The following LEPR variants were observed in gnomAD, a reference collection of about 807,000 sequenced individuals.
The protein encoded by LEPR is leptin receptor, also known as OB receptor.
Under a neutral mutation model 114.7 loss-of-function variants are expected in LEPR, and 56 were observed. The ratio of observed to expected loss-of-function variants is 0.49; its 90% CI spans 0.39 to 0.61. The LOEUF is 0.61. LEPR is among the 20% of genes least tolerant of loss of function. LEPR has a pLI of 0.00. For synonymous variants in LEPR, 443 were observed against 461.4 expected, an observed-to-expected ratio of 0.96 and a Z score of 0.51; for missense variants, 1,202 against 1,352.9, an observed-to-expected ratio of 0.89 and a Z score of 1.75.
intron 5 of LEPR, among the ~76,000 whole-genome samples, chr1:65,584,494 C>G (rs1220852212): frequency 1.3e-5 from 2 of 152,084 alleles, no homozygotes; most frequent in African/African-American, 4.8e-5. Flanking sequence ...ACAGTCCGTT[C>G]TAAACTTCTT....
chr1:65,604,944 G>T, intron 10 of LEPR, 94 bp from the exon 11 acceptor site: 1 of 1,495,522 alleles, frequency 6.7e-7, no homozygotes, highest in Non-Finnish European at 9.1e-7. Context: ...AAAGGTTGGG[G>T]ACTGCTGTTT....
chr1:65,454,262 G>A (rs2100342307), intron 2 of LEPR, among the ~76,000 whole-genome samples: 1 of 152,140 alleles, frequency 6.6e-6, no homozygotes, highest in Admixed American at 6.6e-5. Context: ...TCTTTTAATT[G>A]GAACGTTTAG....
At chr1:65,443,935 G>A (rs908532010) in intron 2 of LEPR, among the ~76,000 whole-genome samples, 36 of 149,992 alleles carry the variant, frequency 2.4e-4, no homozygotes, top group African/African-American at 8.8e-4. Flanking sequence ...AAGAAAAGGA[G>A]ACTAAAGACC....
chr1:65,558,529 TTTTTTTTTGTTTTTTTTTTG>T lies in LEPR; in HGVS notation c.-20-7008_-20-6989del, dbSNP rs1227869641. 8.8e-4 allele frequency among the ~76,000 whole-genome samples: 49 copies of T among 55,974 alleles called. 3 individuals are homozygous for T. Among genetic ancestry groups the T allele is most frequent in the East Asian group, 5.3e-3 (2 of 374 alleles). The allele number at this position is 55,974 out of a possible 152,430, so 36.7% of individuals were successfully genotyped here. On this transcript the variant is annotated intron_variant, in intron 2 of 19. Transcript: ENST00000349533. ...TTTTTTTTTTTTTGAATCAGAAGTTTTTTTTTTTGTTTTTTTTTTGTTTTTTTTTTTTTTTATACTTTAAG... is the reference window on the plus strand; with the variant it reads ...TTTTTTTTTTTTTGAATCAGAAGTTTTTTTTTTTTTTTTTTATACTTTAAG...
At chr1:65,422,921 T>C (rs1417381308) in intron 1 of LEPR, among the ~76,000 whole-genome samples, 2 of 151,940 alleles carry the variant, frequency 1.3e-5, no homozygotes, top group Admixed American at 1.3e-4. Context: ...GTGTAGAGGA[T>C]GGATTGGAAG....
intron 19 of LEPR, chr1:65,634,915 T>G: frequency 8.5e-6 from 7 of 824,612 alleles, no homozygotes; most frequent in Non-Finnish European, 1.0e-5. Flanking sequence ...TTTCTCTTCA[T>G]ATATTATGAT....
At chr1:65,431,971 T>C (rs1646491698) in intron 2 of LEPR, 2 of 1,570,310 alleles carry the variant, frequency 1.3e-6, no homozygotes, top group Non-Finnish European at 1.7e-6. Flanking sequence ...ATACTATCTG[T>C]ATACATGTGC....
chr1:65,573,687 G>A (rs1654371814), intron 5 of LEPR, among the ~76,000 whole-genome samples: 1 of 152,128 alleles, frequency 6.6e-6, no homozygotes, highest in Non-Finnish European at 1.5e-5. Flanking sequence ...ATACCGTTGA[G>A]GAGCAATGTG....
At chr1:65,469,742 C>A (rs1352592442) in intron 2 of LEPR, among the ~76,000 whole-genome samples, 1 of 152,208 alleles carries the variant, frequency 6.6e-6, no homozygotes, top group Non-Finnish European at 1.5e-5. Context: ...CACTTTCCAG[C>A]TGGGCTAGGC....
chr1:65,469,481 G>T (rs536540121), intron 2 of LEPR, among the ~76,000 whole-genome samples: 1 of 152,284 alleles, frequency 6.6e-6, no homozygotes, highest in East Asian at 1.9e-4. Flanking sequence ...TGAGTATTTG[G>T]AATATATACT....
chr1:65,431,106 G>A (rs996400964), intron 2 of LEPR, among the ~76,000 whole-genome samples: 26 of 152,276 alleles, frequency 1.7e-4, no homozygotes, highest in Admixed American at 3.9e-4. Context: ...TAGATAATGG[G>A]GAAAGATTGA....
chr1:65,547,202 G>T (rs1022195879), intron 2 of LEPR, among the ~76,000 whole-genome samples: 1 of 151,930 alleles, frequency 6.6e-6, no homozygotes. Flanking sequence ...TGCTGGATTC[G>T]GTTTGCCAGT....
At chr1:65,530,967 CA>C (rs1209263081) in intron 2 of LEPR, among the ~76,000 whole-genome samples, 1 of 17,790 alleles carries the variant, frequency 5.6e-5, no homozygotes, top group Non-Finnish European at 1.6e-4. Flanking sequence ...CTCTTCAATA[CA>C]TTCTCAAAAT....
intron 2 of LEPR, among the ~76,000 whole-genome samples, chr1:65,540,980 C>T (rs568853544): frequency 1.1e-4 from 17 of 152,038 alleles, no homozygotes; most frequent in Non-Finnish European, 2.1e-4. Context: ...TACAGGCATA[C>T]GCCACCATGC....
At chr1:65,600,466 TTAAAG>T (rs1025474990) in intron 8 of LEPR, among the ~76,000 whole-genome samples, 73 of 152,290 alleles carry the variant, frequency 4.8e-4, no homozygotes, top group African/African-American at 1.7e-3. Context: ...TAAAAACCAA[TTAAAG>T]TATTTTTGTT....
chr1:65,541,268 T>C (rs1353441783), intron 2 of LEPR, among the ~76,000 whole-genome samples: 2 of 152,264 alleles, frequency 1.3e-5, no homozygotes, highest in Admixed American at 6.5e-5. Flanking sequence ...TTGCATTTTA[T>C]TGAATATCTG....
At chr1:65,487,225 A>G (rs940621738) in intron 2 of LEPR, among the ~76,000 whole-genome samples, 2 of 152,180 alleles carry the variant, frequency 1.3e-5, no homozygotes, top group African/African-American at 2.4e-5. Flanking sequence ...TTTGTCTGTC[A>G]GTTGTCACTT....
At chr1:65,525,469 A>C in intron 2 of LEPR, 1 of 209,742 alleles carries the variant, frequency 4.8e-6, no homozygotes, top group Non-Finnish European at 8.3e-6. Context: ...GCCCGCGGCC[A>C]CCCGCAGCGG....
At chr1:65,548,405 G>A (rs1651962033) in intron 2 of LEPR, among the ~76,000 whole-genome samples, 1 of 152,044 alleles carries the variant, frequency 6.6e-6, no homozygotes, top group Non-Finnish European at 1.5e-5. Flanking sequence ...GTTGACAGTG[G>A]GGTGTTAAAG....
Sources: gnomAD v4.1 joint callset for allele counts (sites outside exome capture counted in the v4.1 genomes callset) on GRCh38, gnomAD v4.1.1 for gene constraint, MANE v1.5 for transcripts, NCBI Gene and HGNC (gene_info 2026-07-23, HGNC 2026-07-21) for gene names.